GABRA4: variants seen among roughly 807,000 people sequenced by gnomAD.
GABRA4 encodes the protein gamma-aminobutyric acid receptor subunit alpha-4.
A neutral mutation model predicts 49.7 loss-of-function variants in GABRA4; 12 were observed. That is an observed-to-expected ratio of 0.24 (90% CI 0.15 to 0.39). The LOEUF is 0.39. Among genes scored for constraint, GABRA4 ranks in the 10% least tolerant of loss-of-function variants. GABRA4 has a pLI of 1.00. For missense variants in GABRA4, 506 were observed against 686.0 expected, an observed-to-expected ratio of 0.74 and a Z score of 2.93; for synonymous variants, 288 against 240.2, an observed-to-expected ratio of 1.20 and a Z score of -1.84.
At chr4:46,930,970 A>C in intron 8 of GABRA4, among the ~76,000 whole-genome samples, 1 of 151,938 alleles carries the variant, frequency 6.6e-6, no homozygotes. Flanking sequence ...AAAAACTGGC[A>C]GGCTTCCTGA....
intron 8 of GABRA4, among the ~76,000 whole-genome samples, chr4:46,943,965 G>C (rs1288342525): frequency 6.6e-6 from 1 of 152,032 alleles, no homozygotes. Flanking sequence ...GTGGATACCA[G>C]TGGTGGTGTG....
In GABRA4 at chr4:46,920,653, T is replaced by C. The variant is rs1720991837; in HGVS notation, c.*7572A>G. 6.6e-6 allele frequency: 1 copy of C among 151,698 alleles called. No homozygotes were observed. The highest frequency in any genetic ancestry group is 6.6e-5 in the Admixed American group (1 of 15,198). 9.4% of individuals were successfully genotyped at this position (151,698 alleles called of 1,614,324 possible). A position where few individuals can be genotyped will look rare whatever the true frequency, so the allele number is the denominator to read the frequency against. On this transcript the variant is annotated 3_prime_UTR_variant, in exon 9 of 9. Transcript: ENST00000264318. ...TTGCTGACACCATTTGTTTATCCTC[T>C]CTGATCACACACACTCACACCAAAA... is the stretch of plus-strand genomic sequence containing the variant.
At chr4:46,973,480 C>T (rs1364902484) in intron 6 of GABRA4, among the ~76,000 whole-genome samples, 1 of 151,726 alleles carries the variant, frequency 6.6e-6, no homozygotes, top group Non-Finnish European at 1.5e-5. Context: ...ACTTGTCAGC[C>T]TCCTGAACTG....
At chr4:46,948,123 G>A (rs1380883934) in intron 8 of GABRA4, among the ~76,000 whole-genome samples, 1 of 151,986 alleles carries the variant, frequency 6.6e-6, no homozygotes. Flanking sequence ...ATATCAAGAG[G>A]CTTTTGGCTA....
rs1721270132 is a variant in GABRA4, at chr4:46,927,537, A to G, written c.*688T>C. 6.6e-6 allele frequency: 1 copy of G among 152,548 alleles called. No homozygotes were observed. Among genetic ancestry groups the G allele is most frequent in the African/African-American group, 2.4e-5 (1 of 41,458 alleles). The allele number at this position is 152,548 out of a possible 1,614,324, so 9.4% of individuals were successfully genotyped here. ...GAATAACTATGTAGTAAATAAACACATAACTGAATGAACTACCATGAAAAA... is the reference window on the plus strand; with the variant it reads ...GAATAACTATGTAGTAAATAAACACGTAACTGAATGAACTACCATGAAAAA... On this transcript the variant is annotated 3_prime_UTR_variant, in exon 9 of 9. Transcript: ENST00000264318.
intron 7 of GABRA4, 114 bp downstream of exon 7, chr4:46,970,969 C>A: frequency 2.1e-6 from 2 of 945,484 alleles, no homozygotes; most frequent in Non-Finnish European, 3.1e-6. Flanking sequence ...CCATGTGATT[C>A]CTTATTCAGG....
chr4:46,922,404 G>A lies in GABRA4; in HGVS notation c.*5821C>T, dbSNP rs1363700400. Reference sequence around the variant, plus strand: ...CCACCACTTCCCACACTGTAGTTCAGTAAATAGCTGGCTCTGCTCAGTGAT... The same window carrying A: ...CCACCACTTCCCACACTGTAGTTCAATAAATAGCTGGCTCTGCTCAGTGAT... On this transcript the variant is annotated 3_prime_UTR_variant, in exon 9 of 9. Transcript: ENST00000264318. The A allele has an allele frequency of 1.3e-5, 2 of 152,088 alleles. No homozygotes were observed. Among genetic ancestry groups the A allele is most frequent in the Non-Finnish European group, 2.9e-5 (2 of 68,014 alleles). 9.4% of individuals were successfully genotyped at this position (152,088 alleles called of 1,614,324 possible).
At chr4:46,964,737 C>A (rs920347393) in intron 8 of GABRA4, among the ~76,000 whole-genome samples, 1 of 151,796 alleles carries the variant, frequency 6.6e-6, no homozygotes, top group African/African-American at 2.4e-5. Flanking sequence ...CCGAAAGAAA[C>A]TTTCAAACAA....
At chr4:46,940,935 G>A (rs1205009014) in intron 8 of GABRA4, among the ~76,000 whole-genome samples, 3 of 152,210 alleles carry the variant, frequency 2.0e-5, no homozygotes, top group East Asian at 3.9e-4. Context: ...TCTGAGTCTA[G>A]CTAATCTTAC....
At position 46,927,614 on chromosome 4, in the gene GABRA4, A is replaced by T. The variant is rs1395812327; in HGVS notation, c.*611T>A. Reference sequence around the variant, plus strand: ...GCTCAGAGAACAAAATTTCAAGTCAACTGTTAAGTACTGTTTAGCCAACAT... The same window carrying T: ...GCTCAGAGAACAAAATTTCAAGTCATCTGTTAAGTACTGTTTAGCCAACAT... On this transcript the variant is annotated 3_prime_UTR_variant, in exon 9 of 9. Transcript: ENST00000264318. The T allele has an allele frequency of 6.6e-6, 1 of 152,536 alleles. No individual in the cohort carries two copies. The highest frequency in any genetic ancestry group is 1.9e-4 in the East Asian group (1 of 5,178). The allele number at this position is 152,536 out of a possible 1,614,324, so 9.4% of individuals were successfully genotyped here. A position where few individuals can be genotyped will look rare whatever the true frequency, so the allele number is the denominator to read the frequency against.
At chr4:46,943,796 T>C (rs1721894199) in intron 8 of GABRA4, among the ~76,000 whole-genome samples, 1 of 152,066 alleles carries the variant, frequency 6.6e-6, no homozygotes, top group Non-Finnish European at 1.5e-5. Context: ...ATAAACATTA[T>C]TTATTTATTT....
chr4:46,928,844 T>G, intron 8 of GABRA4, 89 bp from the exon 9 acceptor site: 1 of 836,420 alleles, frequency 1.2e-6, no homozygotes. Flanking sequence ...TTAAAATTAG[T>G]CATTTCCATA....
chr4:46,939,849 C>T (rs994163295), intron 8 of GABRA4, among the ~76,000 whole-genome samples: 1 of 151,844 alleles, frequency 6.6e-6, no homozygotes, highest in Admixed American at 6.6e-5. Context: ...TCTTACTGAT[C>T]GTTCTTACTC....
chr4:46,930,721 T>G (rs1201082982), intron 8 of GABRA4, among the ~76,000 whole-genome samples: 2 of 151,870 alleles, frequency 1.3e-5, no homozygotes, highest in East Asian at 1.9e-4. Context: ...GAAATCTGTA[T>G]GTTTCCTAAT....
At chr4:46,956,067 G>A (rs1722350685) in intron 8 of GABRA4, among the ~76,000 whole-genome samples, 2 of 152,038 alleles carry the variant, frequency 1.3e-5, no homozygotes, top group Non-Finnish European at 2.9e-5. Context: ...ATGAAACATA[G>A]TTAGTTCTAA....
rs192867385 is a variant in GABRA4 at position 46,920,301 on chromosome 4, G to A, written c.*7924C>T. 2.6e-5 allele frequency: 4 copies of A among 151,582 alleles called. No individual in the cohort carries two copies. The highest frequency in any genetic ancestry group is 9.6e-5 in the African/African-American group (4 of 41,462). 9.4% of individuals were successfully genotyped at this position (151,582 alleles called of 1,614,324 possible). ...CCTTTGGAAATAATATTATGCAATT[G>A]GTAATATCTTATATTGCCAACAACA... is the stretch of plus-strand genomic sequence containing the variant. On this transcript the variant is annotated 3_prime_UTR_variant, in exon 9 of 9. Transcript: ENST00000264318.
rs773295666 is a variant in GABRA4 at position 46,993,417 on chromosome 4, G to A, written c.8C>T (p.Ser3Phe). The change falls in exon 1 of 9, where the codon TCT becomes TTT. Residue 3 changes from serine (S) to phenylalanine (F), a missense_variant. By Grantham distance (155) the Ser-to-Phe change is radical. Coordinates refer to ENST00000264318, the MANE Select transcript of GABRA4 (RefSeq NM_000809.4). MV[S>F]AKKVPAIALS... is the part of the protein sequence containing the mutation. ...AGCGATCGCGGGTACCTTCTTGGCA[G>A]AAACCATCTTTGCAACATGCCATAC... 6.2e-7 allele frequency: 1 copy of A among 1,614,210 alleles called. No homozygotes were observed. The highest frequency in any genetic ancestry group is 2.2e-5 in the East Asian group (1 of 44,870).
At chr4:46,959,190 A>T (rs1218411686) in intron 8 of GABRA4, among the ~76,000 whole-genome samples, 3 of 151,774 alleles carry the variant, frequency 2.0e-5, no homozygotes, top group Admixed American at 1.3e-4. Flanking sequence ...TTAAAGTTGT[A>T]CTTGATACTG....
chr4:46,977,917 C>T (rs1169427033), intron 3 of GABRA4, among the ~76,000 whole-genome samples: 1 of 151,926 alleles, frequency 6.6e-6, no homozygotes, highest in Non-Finnish European at 1.5e-5. Context: ...AGAAAACTGC[C>T]AGTACCAGGT....
Sources: allele counts gnomAD v4.1 joint callset (sites outside exome capture counted in the v4.1 genomes callset), GRCh38; gene constraint gnomAD v4.1.1; transcripts MANE v1.5; gene names NCBI Gene and HGNC (gene_info 2026-07-23, HGNC 2026-07-21).